Variants in AMPH observed in about 807,000 individuals in gnomAD.
AMPH encodes amphiphysin.
A neutral mutation model predicts 99.1 loss-of-function variants in AMPH; 49 were observed. That is an observed-to-expected ratio of 0.49 (90% confidence interval 0.39 to 0.63). The LOEUF is 0.63. Ranked by LOEUF, AMPH falls within the 20% of genes least tolerant of loss-of-function variation. The pLI, the probability that AMPH is intolerant of heterozygous loss-of-function variation, is 0.00. For synonymous variants in AMPH, 314 were observed against 317.3 expected, an observed-to-expected ratio of 0.99 and a Z score of 0.11; for missense variants, 759 against 863.4, an observed-to-expected ratio of 0.88 and a Z score of 1.52.
intron 15 of AMPH, among the ~76,000 whole-genome samples, chr7:38,425,739 A>G (rs568028849): frequency 6.6e-6 from 1 of 152,342 alleles, no homozygotes; most frequent in South Asian, 2.1e-4. Context: ...AAGCAGCATT[A>G]TAAGAAACCC....
At chr7:38,422,317 CCA>C in intron 16 of AMPH, 102 bp downstream of exon 16, 1 of 932,756 alleles carries the variant, frequency 1.1e-6, no homozygotes. Flanking sequence ...GATCCAGAAA[CCA>C]CATTCTGGAT....
chr7:38,492,144 C>T (rs1485786870), intron 4 of AMPH, among the ~76,000 whole-genome samples: 7 of 152,236 alleles, frequency 4.6e-5, no homozygotes, highest in African/African-American at 1.2e-4. Flanking sequence ...CATTTTAGCT[C>T]GGCCCTTGGC....
At chr7:38,593,628 C>T (rs961643349) in intron 1 of AMPH, among the ~76,000 whole-genome samples, 3 of 152,208 alleles carry the variant, frequency 2.0e-5, no homozygotes, top group Admixed American at 6.5e-5. Context: ...ATGCCACATT[C>T]GGTCCTGCTT....
At chr7:38,561,967 G>GTTT (rs546827916) in intron 1 of AMPH, among the ~76,000 whole-genome samples, 2,732 of 143,666 alleles carry the variant, frequency 0.019, 83 homozygotes, top group African/African-American at 0.065. Flanking sequence ...CAGTCTATAT[G>GTTT]TTTTTTTTTT....
rs75410350 is a variant in AMPH at position 38,436,133 on chromosome 7, C to T, written c.1134+139G>A. ...TATAGATAAGGTCCCCTTTCTACCC[C>T]TCTTTCCTATTAGGAAATATCTGTC... On this transcript the variant is annotated intron_variant, in intron 12 of 20. Coordinates refer to ENST00000356264, the MANE Select transcript of AMPH (RefSeq NM_001635.4). The T allele has an allele frequency of 8.7e-3, 5,672 of 650,338 alleles. 239 individuals carry two copies. In the African/African-American group the frequency reaches 0.089, roughly 10 times the overall value. 40.3% of individuals were successfully genotyped at this position (650,338 alleles called of 1,614,324 possible). A position where few individuals can be genotyped will look rare whatever the true frequency, so the allele number is the denominator to read the frequency against.
At chr7:38,627,669 A>AG (rs1229928112) in intron 1 of AMPH, among the ~76,000 whole-genome samples, 1 of 151,162 alleles carries the variant, frequency 6.6e-6, no homozygotes, top group African/African-American at 2.4e-5. Context: ...AAAAAAAAAA[A>AG]AAAGCTAAAG....
At chr7:38,600,539 A>C (rs1212199381) in intron 1 of AMPH, among the ~76,000 whole-genome samples, 1 of 152,192 alleles carries the variant, frequency 6.6e-6, no homozygotes, top group Non-Finnish European at 1.5e-5. Flanking sequence ...ACTTCTATAT[A>C]TCTATTGAGA....
intron 1 of AMPH, among the ~76,000 whole-genome samples, chr7:38,620,564 C>A (rs899572019): frequency 8.0e-4 from 121 of 150,820 alleles, no homozygotes; most frequent in African/African-American, 2.7e-3. Context: ...CACACACACA[C>A]ACACACACAC....
intron 1 of AMPH, among the ~76,000 whole-genome samples, chr7:38,592,868 A>C (rs555664093): frequency 3.3e-5 from 5 of 152,338 alleles, no homozygotes; most frequent in Admixed American, 3.3e-4. Flanking sequence ...CAGCTGAATA[A>C]ATAGGAGCAT....
chr7:38,497,186 G>A (rs1236588974), intron 3 of AMPH, among the ~76,000 whole-genome samples: 2 of 152,116 alleles, frequency 1.3e-5, no homozygotes, highest in African/African-American at 4.8e-5. Flanking sequence ...AGAGCTTTTA[G>A]GGATTTAGGG....
rs945797480 is a variant in AMPH, at chr7:38,631,230, G to A, written c.69+53C>T. The A allele has an allele frequency of 1.2e-5, 18 of 1,483,014 alleles. No individual in the cohort carries two copies. The African/African-American group carries it at 1.9e-4, about 16-fold the overall frequency. 91.9% of individuals were successfully genotyped at this position (1,483,014 alleles called of 1,614,324 possible). On this transcript the variant is annotated intron_variant, in intron 1 of 20. Coordinates refer to ENST00000356264, the MANE Select transcript of AMPH (RefSeq NM_001635.4). ...GCACAGCTGCAGCCGGTGCCCTCCG[G>A]CCAAGCCCCCGCCTGGCGTCCCCGG...
At chr7:38,429,565 C>A (rs1785923409) in intron 14 of AMPH, 1 of 1,438,832 alleles carries the variant, frequency 7.0e-7, no homozygotes, top group East Asian at 3.0e-5. Flanking sequence ...GAAAGACTTT[C>A]TGAAGAGTCA....
rs1788842467 is a variant in AMPH, at chr7:38,494,335, C to T, written c.300+98G>A. On this transcript the variant is annotated intron_variant, in intron 4 of 20. Transcript: ENST00000356264. The stretch of plus-strand genomic sequence containing the variant: ...AGTGCCTTCTGAGCACACTGTCTTG[C>T]CTCATGATTAAGACTGTGAAGTGGA... 3 of 996,102 alleles carry T rather than the reference C, an allele frequency of 3.0e-6. No homozygotes were observed. In the Admixed American group the frequency reaches 5.2e-5, roughly 17 times the overall value. The allele number at this position is 996,102 out of a possible 1,614,324, so 61.7% of individuals were successfully genotyped here.
At chr7:38,399,293 T>C (rs1784776960) in intron 17 of AMPH, among the ~76,000 whole-genome samples, 1 of 152,234 alleles carries the variant, frequency 6.6e-6, no homozygotes, top group South Asian at 2.1e-4. Context: ...ATCCACTATC[T>C]GCGTATCCTC....
chr7:38,523,155 A>G (rs77904442), intron 2 of AMPH, among the ~76,000 whole-genome samples: 4,858 of 151,644 alleles, frequency 0.032, 121 homozygotes, highest in South Asian at 0.055. Flanking sequence ...AAAGCAGGAG[A>G]CACTGAACTG....
At chr7:38,468,004 C>G (rs1287942630) in intron 7 of AMPH, among the ~76,000 whole-genome samples, 4 of 151,934 alleles carry the variant, frequency 2.6e-5, no homozygotes, top group African/African-American at 7.3e-5. Context: ...TAAATAAAAC[C>G]CTAATGAATA....
chr7:38,584,559 A>G (rs1315448780), intron 1 of AMPH, among the ~76,000 whole-genome samples: 4 of 152,228 alleles, frequency 2.6e-5, no homozygotes, highest in African/African-American at 9.6e-5. Flanking sequence ...TCTGCCAAAA[A>G]TCAAAGCTCC....
At chr7:38,623,714 G>A (rs1363912326) in intron 1 of AMPH, among the ~76,000 whole-genome samples, 2 of 152,148 alleles carry the variant, frequency 1.3e-5, no homozygotes, top group African/African-American at 4.8e-5. Context: ...CTTGACAGAG[G>A]AGGATCTTCC....
At chr7:38,484,282 A>C (rs551737512) in intron 5 of AMPH, among the ~76,000 whole-genome samples, 1 of 152,156 alleles carries the variant, frequency 6.6e-6, no homozygotes, top group East Asian at 1.9e-4. Context: ...CTCCAAATAA[A>C]ATGAACCCCT....
Sources: gnomAD v4.1 joint callset for allele counts (sites outside exome capture counted in the v4.1 genomes callset) on GRCh38, gnomAD v4.1.1 for gene constraint, MANE v1.5 for transcripts, NCBI Gene and HGNC (gene_info 2026-07-23, HGNC 2026-07-21) for gene names.